The following MOXD1 variants were observed in gnomAD, a reference collection of about 807,000 sequenced individuals.
MOXD1 encodes monooxygenase DBH like 1.
In MOXD1, 62 loss-of-function variants were observed where a neutral mutation model predicts 66.6. The observed-to-expected ratio is 0.93, with a 90% CI of 0.76 to 1.15. The LOEUF is 1.15. Ranked by LOEUF, MOXD1 falls within the 50% of genes most tolerant of loss-of-function variation. MOXD1 has a pLI of 0.00. For missense variants in MOXD1, 847 were observed against 754.6 expected (o/e 1.12, Z -1.44); for synonymous variants, 303 against 281.9 (o/e 1.07, Z -0.75).
At chr6:132,376,955 C>T (rs1425239234) in intron 1 of MOXD1, among the ~76,000 whole-genome samples, 2 of 152,230 alleles carry the variant, frequency 1.3e-5, no homozygotes, top group African/African-American at 4.8e-5. Context: ...GGCTAAGCGA[C>T]TTGCCCAGGA....
intron 4 of MOXD1, among the ~76,000 whole-genome samples, chr6:132,364,741 A>T (rs1776082752): frequency 1.3e-5 from 2 of 152,206 alleles, no homozygotes; most frequent in African/African-American, 4.8e-5. Context: ...TGAGCTATCT[A>T]ATACATTGCC....
chr6:132,339,587 G>A (rs977541967), intron 4 of MOXD1, among the ~76,000 whole-genome samples: 4 of 152,264 alleles, frequency 2.6e-5, no homozygotes, highest in East Asian at 1.9e-4. Flanking sequence ...CTGAACTTCC[G>A]AGCTACATCT....
chr6:132,352,976 G>A lies in MOXD1; in HGVS notation c.663+19632C>T, dbSNP rs556971645. On this transcript the variant is annotated intron_variant, in intron 4 of 11. Transcript: ENST00000367963. ...ATAGCTACCCCTGCTTGCTTTTGAC[G>A]TCCATTTGCATGAAATGCCTTTCTC... Among the ~76,000 whole-genome samples the A allele has an allele frequency of 5.5e-4, 83 of 152,150 alleles. 1 individual carries two copies. The highest frequency in any genetic ancestry group is 1.9e-3 in the South Asian group (9 of 4,818).
Position 132,297,307 on chromosome 6 carries a change from A to G in MOXD1, c.1688T>C (p.Met563Thr). ...TTCTATATCTGGAGGTAATGCTGTC[A>G]TTCCTTGAATCTGAAAATGGAAGCA... ...TDNAEWSIQGMTALPPDIERP... is the reference protein window; with the variant it reads ...TDNAEWSIQGTTALPPDIERP... Residue 563 changes from methionine (M) to threonine (T), a missense_variant, in exon 12 of 12, where the codon ATG (methionine) becomes ACG (threonine). Physicochemically the swap from Met to Thr is moderately conservative, Grantham distance 81 (BLOSUM62 -1). Transcript: ENST00000367963. 6.2e-7 allele frequency: 1 copy of G among 1,612,666 alleles called. No individual in the cohort carries two copies. The highest frequency in any genetic ancestry group is 8.5e-7 in the Non-Finnish European group (1 of 1,179,258).
At chr6:132,340,273 G>T (rs551660343) in intron 4 of MOXD1, among the ~76,000 whole-genome samples, 23 of 152,026 alleles carry the variant, frequency 1.5e-4, no homozygotes, top group Non-Finnish European at 2.8e-4. Flanking sequence ...ATAAAAATGG[G>T]TTTGATGATG....
intron 10 of MOXD1, among the ~76,000 whole-genome samples, chr6:132,300,290 C>A (rs1217839710): frequency 1.3e-5 from 2 of 151,986 alleles, no homozygotes; most frequent in African/African-American, 4.8e-5. Context: ...GAGACACAAT[C>A]CAGAATTAGT....
chr6:132,342,292 G>A (rs375730296), intron 4 of MOXD1, among the ~76,000 whole-genome samples: 31 of 152,282 alleles, frequency 2.0e-4, no homozygotes, highest in Admixed American at 1.4e-3. Flanking sequence ...GAGCCACCAC[G>A]CCTGGCCCAA....
At chr6:132,306,145 T>C (rs573374587) in intron 10 of MOXD1, among the ~76,000 whole-genome samples, 1 of 152,164 alleles carries the variant, frequency 6.6e-6, no homozygotes, top group East Asian at 1.9e-4. Context: ...CTAACAAGAA[T>C]AATCAGTTTA....
chr6:132,315,661 C>T lies in MOXD1; in HGVS notation c.1482G>A (p.Gly494=), dbSNP rs150197181. ...PDIMEQLQFI[G]VKEIYRPVTT... ...TGACTGGTCTGTAGATCTCCTTAAC[C>T]CCAATGAACTGAAGTTGTTCCATAA... is the stretch of plus-strand genomic sequence containing the variant. Residue 494 remains glycine (G), a synonymous_variant, in exon 10 of 12, where the codon GGG becomes GGA. Transcript: ENST00000367963. The T allele has an allele frequency of 2.2e-5, 35 of 1,613,108 alleles. No homozygotes were observed. The highest frequency in any genetic ancestry group is 8.0e-5 in the African/African-American group (6 of 74,852).
rs183532480 is a variant in MOXD1 at position 132,348,439 on chromosome 6, C to A, written c.664-19845G>T. On this transcript the variant is annotated intron_variant, in intron 4 of 11. Coordinates refer to ENST00000367963, the MANE Select transcript of MOXD1 (RefSeq NM_015529.4). Reference sequence around the variant, plus strand: ...CCAAACTCAAAGATCAAGGTGGGTCCCAAGGACAAACGCAAGGGTCATTAG... The same window carrying A: ...CCAAACTCAAAGATCAAGGTGGGTCACAAGGACAAACGCAAGGGTCATTAG... 2.1e-3 allele frequency among the ~76,000 whole-genome samples: 327 copies of A among 152,252 alleles called. 2 individuals are homozygous for A. Among genetic ancestry groups the A allele is most frequent in the African/African-American group, 7.7e-3 (318 of 41,540 alleles).
intron 4 of MOXD1, among the ~76,000 whole-genome samples, chr6:132,333,372 G>T (rs1394884879): frequency 1.1e-5 from 1 of 88,702 alleles, no homozygotes; most frequent in Non-Finnish European, 1.9e-5. Context: ...ACCCTGTAAT[G>T]TATCAGAGTA....
chr6:132,396,692 G>C (rs1002280357), intron 1 of MOXD1, among the ~76,000 whole-genome samples: 6 of 151,936 alleles, frequency 3.9e-5, no homozygotes, highest in African/African-American at 1.5e-4. Flanking sequence ...AAATAGACAA[G>C]TATAACTGAT....
intron 6 of MOXD1, among the ~76,000 whole-genome samples, chr6:132,325,877 TAAAC>T (rs1173445429): frequency 6.6e-6 from 1 of 152,198 alleles, no homozygotes; most frequent in African/African-American, 2.4e-5. Flanking sequence ...AATCAATTGT[TAAAC>T]AAATAAATCA....
Position 132,312,801 on chromosome 6 carries a change from TA to T in MOXD1, c.1508+2833del, listed in dbSNP as rs201984141. 5.1e-3 allele frequency among the ~76,000 whole-genome samples: 776 copies of T among 151,740 alleles called. 7 individuals carry two copies. Among genetic ancestry groups the T allele is most frequent in the African/African-American group, 0.018 (735 of 41,408 alleles). On this transcript the variant is annotated intron_variant, in intron 10 of 11. Transcript: ENST00000367963. ...ACATTTTTAGAGGCTTCATACCATTTAAACTTAAAAAAAAAAAATAGGCCAT... is the reference window on the plus strand; with the variant it reads ...ACATTTTTAGAGGCTTCATACCATTTAACTTAAAAAAAAAAAATAGGCCAT...
intron 9 of MOXD1, among the ~76,000 whole-genome samples, chr6:132,318,897 G>T (rs1775014391): frequency 6.6e-6 from 1 of 151,950 alleles, no homozygotes; most frequent in African/African-American, 2.4e-5. Context: ...ATTAGTGCCA[G>T]CATCCTTTAA....
intron 6 of MOXD1, among the ~76,000 whole-genome samples, chr6:132,326,430 G>T (rs1389390826): frequency 6.6e-6 from 1 of 151,832 alleles, no homozygotes; most frequent in Non-Finnish European, 1.5e-5. Context: ...TTGTAATAAA[G>T]ACTAAAAGGA....
intron 4 of MOXD1, among the ~76,000 whole-genome samples, chr6:132,333,815 G>A (rs969865668): frequency 6.6e-6 from 1 of 152,206 alleles, no homozygotes; most frequent in Non-Finnish European, 1.5e-5. Context: ...CCTGGCAGCC[G>A]TGGGTTATTT....
intron 4 of MOXD1, among the ~76,000 whole-genome samples, chr6:132,334,103 T>G (rs1775388056): frequency 6.6e-6 from 1 of 152,196 alleles, no homozygotes; most frequent in African/African-American, 2.4e-5. Context: ...ACGCACTTTA[T>G]CCAGGTCAAA....
At chr6:132,305,609 G>A (rs1774670954) in intron 10 of MOXD1, among the ~76,000 whole-genome samples, 1 of 152,198 alleles carries the variant, frequency 6.6e-6, no homozygotes, top group Non-Finnish European at 1.5e-5. Flanking sequence ...CTAGCATCAG[G>A]TTGGTGCTCC....
Sources: gnomAD v4.1 joint callset for allele counts (sites outside exome capture counted in the v4.1 genomes callset) on GRCh38, gnomAD v4.1.1 for gene constraint, MANE v1.5 for transcripts, NCBI Gene and HGNC (gene_info 2026-07-23, HGNC 2026-07-21) for gene names.